The following NINJ2 variants were observed in gnomAD, a reference collection of about 807,000 sequenced individuals.
NINJ2 encodes the protein ninjurin-2.
Under a neutral mutation model 11.7 loss-of-function variants are expected in NINJ2, and 12 were observed. The observed-to-expected ratio is 1.02, with a 90% CI of 0.66 to 1.66. The LOEUF is 1.66. Among genes scored for constraint, NINJ2 ranks in the 40% most tolerant of loss-of-function variants. NINJ2 has a pLI of 0.00. For synonymous variants in NINJ2, 93 were observed against 76.8 expected, an observed-to-expected ratio of 1.21 and a Z score of -1.10; for missense variants, 187 against 181.8, an observed-to-expected ratio of 1.03 and a Z score of -0.16.
chr12:574,341 T>C (rs1005558506), intron 1 of NINJ2, among the ~76,000 whole-genome samples: 4 of 152,086 alleles, frequency 2.6e-5, no homozygotes, highest in African/African-American at 4.8e-5. Context: ...ATAATAATAA[T>C]AACAATAATA....
At chr12:618,836 G>A (rs577563881) in intron 1 of NINJ2, among the ~76,000 whole-genome samples, 33 of 152,292 alleles carry the variant, frequency 2.2e-4, no homozygotes, top group South Asian at 1.7e-3. Flanking sequence ...GCAAACACCC[G>A]ACTCCCTCCA....
chr12:571,783 G>A (rs974410253), intron 1 of NINJ2, among the ~76,000 whole-genome samples: 6 of 152,394 alleles, frequency 3.9e-5, no homozygotes, highest in African/African-American at 1.4e-4. Flanking sequence ...TTTATGGTCA[G>A]TGGGGACCAT....
chr12:662,266 G>C (rs1304532903), intron 1 of NINJ2, among the ~76,000 whole-genome samples: 2 of 152,210 alleles, frequency 1.3e-5, no homozygotes, highest in Non-Finnish European at 2.9e-5. Context: ...ACAGCACTGG[G>C]TATGCAGTTG....
chr12:663,225 AC>A, intron 1 of NINJ2, 102 bp downstream of exon 1: 1 of 1,036,156 alleles, frequency 9.7e-7, no homozygotes, highest in Non-Finnish European at 1.4e-6. Context: ...TAAGAAGAGA[AC>A]GGGGAGGGAG....
chr12:596,302 T>C (rs1350713589), intron 1 of NINJ2, among the ~76,000 whole-genome samples: 1 of 152,218 alleles, frequency 6.6e-6, no homozygotes, highest in Non-Finnish European at 1.5e-5. Context: ...AAATACATCA[T>C]TATGCATTTG....
intron 1 of NINJ2, among the ~76,000 whole-genome samples, chr12:637,911 C>A (rs546739505): frequency 5.3e-5 from 8 of 152,334 alleles, no homozygotes; most frequent in African/African-American, 1.7e-4. Flanking sequence ...CCTGTGAGTT[C>A]TTCCCAAGGA....
chr12:658,173 A>G (rs1016933740), intron 1 of NINJ2, among the ~76,000 whole-genome samples: 2 of 151,456 alleles, frequency 1.3e-5, no homozygotes, highest in Non-Finnish European at 2.9e-5. Flanking sequence ...TAATTTTTGT[A>G]TTTTTAGTAG....
chr12:610,423 C>CAGGA, intron 1 of NINJ2: 1 of 1,535,518 alleles, frequency 6.5e-7, no homozygotes, highest in Non-Finnish European at 8.7e-7. Flanking sequence ...TACTGGAGAA[C>CAGGA]AGGAAGTCTC....
intron 1 of NINJ2, among the ~76,000 whole-genome samples, chr12:596,721 G>A (rs4485166): frequency 0.086 from 13,054 of 152,094 alleles, 712 homozygotes; most frequent in African/African-American, 0.16. Flanking sequence ...CCAGGAGTTG[G>A]AGACCAGCCT....
At chr12:653,165 C>T (rs940783312) in intron 1 of NINJ2, among the ~76,000 whole-genome samples, 4 of 151,332 alleles carry the variant, frequency 2.6e-5, no homozygotes, top group African/African-American at 9.7e-5. Context: ...GGACTACAGG[C>T]ACCCGCCACC....
At chr12:656,027 T>C (rs1363085610) in intron 1 of NINJ2, among the ~76,000 whole-genome samples, 1 of 152,018 alleles carries the variant, frequency 6.6e-6, no homozygotes, top group African/African-American at 2.4e-5. Context: ...TCAAAATCAG[T>C]TGTGAATATC....
Position 631,958 on chromosome 12 carries a change from C to A in NINJ2, c.33+31370G>T, listed in dbSNP as rs533824372. On this transcript the variant is annotated intron_variant, in intron 1 of 3. Coordinates refer to ENST00000305108, the MANE Select transcript of NINJ2 (RefSeq NM_016533.6). ...ATTAGAGGAGTTTTTTTTAATACTT[C>A]AAAATTATTCCAGAAAGGCATGCAG... Among the ~76,000 whole-genome samples the A allele has an allele frequency of 5.3e-5, 8 of 152,072 alleles. No individual in the cohort carries two copies. In the East Asian group the frequency reaches 1.4e-3, roughly 26 times the overall value.
intron 1 of NINJ2, among the ~76,000 whole-genome samples, chr12:608,081 C>T (rs960613331): frequency 4.6e-5 from 7 of 152,122 alleles, no homozygotes; most frequent in African/African-American, 1.7e-4. Context: ...GGATGAGTAT[C>T]CAAGGTCTGG....
At chr12:604,783 G>A (rs1285506533) in intron 1 of NINJ2, among the ~76,000 whole-genome samples, 1 of 152,166 alleles carries the variant, frequency 6.6e-6, no homozygotes, top group Non-Finnish European at 1.5e-5. Context: ...GATGGAGGAC[G>A]GGCTGAAAGT....
At chr12:641,527 G>C (rs1948416013) in intron 1 of NINJ2, among the ~76,000 whole-genome samples, 3 of 152,138 alleles carry the variant, frequency 2.0e-5, no homozygotes, top group Non-Finnish European at 2.9e-5. Context: ...CACTAGCTCT[G>C]ATAAGACTCT....
intron 1 of NINJ2, among the ~76,000 whole-genome samples, chr12:569,791 G>A (rs1398097984): frequency 6.6e-6 from 1 of 152,246 alleles, no homozygotes; most frequent in Non-Finnish European, 1.5e-5. Context: ...GCTTCACAGA[G>A]GACGTGAGGC....
At chr12:629,912 T>C (rs1281317901) in intron 1 of NINJ2, among the ~76,000 whole-genome samples, 3 of 47,876 alleles carry the variant, frequency 6.3e-5, no homozygotes, top group African/African-American at 1.5e-4. Context: ...TATATATATA[T>C]ATATATATAT....
At position 605,343 on chromosome 12, in the gene NINJ2, C is replaced by T. The variant is rs551168857; in HGVS notation, c.34-39165G>A. On this transcript the variant is annotated intron_variant, in intron 1 of 3. Transcript: ENST00000305108. ...TCATTCCTGAAAACTGGCAACTAGG[C>T]TTATACCCTTCCCCAACACCTATCC... Among the ~76,000 whole-genome samples the T allele has an allele frequency of 5.9e-5, 9 of 152,342 alleles. No homozygotes were observed. The South Asian group carries it at 1.9e-3, about 32-fold the overall frequency.
chr12:611,835 C>T (rs561938771), intron 1 of NINJ2, among the ~76,000 whole-genome samples: 20 of 152,312 alleles, frequency 1.3e-4, no homozygotes, highest in Non-Finnish European at 2.5e-4. Flanking sequence ...GAAGCGAGGC[C>T]ATTATTACTT....
Sources: gnomAD v4.1 joint callset for allele counts (sites outside exome capture counted in the v4.1 genomes callset) on GRCh38, gnomAD v4.1.1 for gene constraint, MANE v1.5 for transcripts, NCBI Gene and HGNC (gene_info 2026-07-23, HGNC 2026-07-21) for gene names.